The following NDUFS1 variants were observed in gnomAD, a reference collection of about 807,000 sequenced individuals.
NDUFS1 encodes the protein NADH-ubiquinone oxidoreductase 75 kDa subunit, mitochondrial.
In NDUFS1, 61 loss-of-function variants were observed where a neutral mutation model predicts 84.4. The ratio of observed to expected loss-of-function variants is 0.72; its 90% CI spans 0.59 to 0.89. The LOEUF (loss-of-function observed/expected upper bound fraction) is 0.89, where lower values mean the gene tolerates loss of function less well. Ranked by LOEUF, NDUFS1 falls within the 40% of genes least tolerant of loss-of-function variation. NDUFS1 has a pLI of 0.00. For missense variants in NDUFS1, 891 were observed against 890.0 expected, an observed-to-expected ratio of 1.00 and a Z score of -0.01; for synonymous variants, 275 against 290.0, an observed-to-expected ratio of 0.95 and a Z score of 0.53.
rs149959525 is a variant in NDUFS1, at chr2:206,131,660, G to A, written c.1553+1285C>T. 8.6e-3 allele frequency among the ~76,000 whole-genome samples: 1,301 copies of A among 151,640 alleles called. 22 individuals carry two copies. Among genetic ancestry groups the A allele is most frequent in the African/African-American group, 0.03 (1,220 of 41,336 alleles). On this transcript the variant is annotated intron_variant, in intron 14 of 18. Transcript: ENST00000233190. ...CTACTAAAAACAAAAAAATTAGGCC[G>A]GGCGTGGTGGCTCACACCTGTAATC...
chr2:206,136,727 C>T (rs1177066742), intron 13 of NDUFS1, among the ~76,000 whole-genome samples: 1 of 150,748 alleles, frequency 6.6e-6, no homozygotes, highest in African/African-American at 2.4e-5. Flanking sequence ...AGCCACTGCA[C>T]CTGGCCGGAA....
chr2:206,124,426 G>A (rs1251689316), intron 18 of NDUFS1, 150 bp from the exon 19 acceptor site: 6 of 665,780 alleles, frequency 9.0e-6, no homozygotes, highest in East Asian at 2.7e-5. Flanking sequence ...AGATTCCAAC[G>A]ATAAACCCCT....
At position 206,118,996 on chromosome 2, in the gene NDUFS1, G is replaced by A. The variant is rs1691025927; in HGVS notation, c.*5189C>T. 2.0e-5 allele frequency: 3 copies of A among 152,442 alleles called. No homozygotes were observed. The highest frequency in any genetic ancestry group is 4.4e-5 in the Non-Finnish European group (3 of 68,236). The allele number at this position is 152,442 out of a possible 1,614,324, so 9.4% of individuals were successfully genotyped here. On this transcript the variant is annotated 3_prime_UTR_variant, in exon 19 of 19. Transcript: ENST00000233190. ...CCAGCTACTCAGGAGGCTGAGGCAG[G>A]AGGATCGCTTGAACCCAGGAGGTGG...
intron 3 of NDUFS1, among the ~76,000 whole-genome samples, chr2:206,150,840 G>A (rs1403499566): frequency 1.3e-5 from 2 of 151,810 alleles, no homozygotes; most frequent in African/African-American, 4.8e-5. Flanking sequence ...AAAACCACAA[G>A]AATTCCTCCG....
At chr2:206,128,441 C>A (rs1691379059) in intron 15 of NDUFS1, among the ~76,000 whole-genome samples, 1 of 151,370 alleles carries the variant, frequency 6.6e-6, no homozygotes, top group Admixed American at 6.6e-5. Flanking sequence ...GCTGGGATTA[C>A]AGGCATGAGC....
chr2:206,136,762 C>CT (rs1229589279), intron 13 of NDUFS1, among the ~76,000 whole-genome samples: 66 of 139,536 alleles, frequency 4.7e-4, no homozygotes, highest in Admixed American at 1.0e-3. Context: ...TTCTTTTTTT[C>CT]TTTTTTTTTT....
chr2:206,147,508 G>GA (rs766159626), intron 7 of NDUFS1, 23 bp downstream of exon 7: 18 of 1,599,202 alleles, frequency 1.1e-5, no homozygotes, highest in South Asian at 2.2e-5. Flanking sequence ...TTCTATAATA[G>GA]AAAAAAAAGG....
intron 3 of NDUFS1, 123 bp from the exon 4 acceptor site, chr2:206,150,048 T>A: frequency 1.4e-6 from 1 of 725,012 alleles, no homozygotes; most frequent in Non-Finnish European, 2.4e-6. Context: ...TATCTATCTA[T>A]CTATCTTAAT....
rs563451545 is a variant in NDUFS1, at chr2:206,120,380, G to C, written c.*3805C>G. On this transcript the variant is annotated 3_prime_UTR_variant, in exon 19 of 19. Coordinates refer to ENST00000233190, the MANE Select transcript of NDUFS1 (RefSeq NM_005006.7). The stretch of plus-strand genomic sequence containing the variant: ...GGGCTCAGAAGACAGAAAGATGAGG[G>C]AAAGTTTGGAACTTAGAGACTAGTT... 4 of 152,336 alleles carry C rather than the reference G, an allele frequency of 2.6e-5. No individual in the cohort carries two copies. In the East Asian group the frequency reaches 7.7e-4, roughly 29 times the overall value. The allele number at this position is 152,336 out of a possible 1,614,324, so 9.4% of individuals were successfully genotyped here.
At chr2:206,140,446 G>T (rs1475471826) in intron 12 of NDUFS1, among the ~76,000 whole-genome samples, 1 of 152,072 alleles carries the variant, frequency 6.6e-6, no homozygotes, top group African/African-American at 2.4e-5. Flanking sequence ...AGAGGATACA[G>T]TGACCCGAAA....
rs1379561803 is a variant in NDUFS1, at chr2:206,120,298, G to GA, written c.*3886dup. ...CAGTGGGGCACTGCTATACATATTG[G>GA]AAAATGTAGAAACAGCTTTGGAACT... is the stretch of plus-strand genomic sequence containing the variant. On this transcript the variant is annotated 3_prime_UTR_variant, in exon 19 of 19. Transcript: ENST00000233190. 1 of 152,194 alleles carries GA rather than the reference G, an allele frequency of 6.6e-6. No individual in the cohort carries two copies. Among genetic ancestry groups the GA allele is most frequent in the Non-Finnish European group, 1.5e-5 (1 of 68,056 alleles). The allele number at this position is 152,194 out of a possible 1,614,324, so 9.4% of individuals were successfully genotyped here. A position where few individuals can be genotyped will look rare whatever the true frequency, so the allele number is the denominator to read the frequency against.
At chr2:206,143,653 C>T (rs1227406104) in intron 10 of NDUFS1, among the ~76,000 whole-genome samples, 1 of 151,672 alleles carries the variant, frequency 6.6e-6, no homozygotes, top group African/African-American at 2.4e-5. Flanking sequence ...GCGATCTCGG[C>T]TCACTGCAAC....
At chr2:206,135,445 C>T (rs957598388) in intron 13 of NDUFS1, among the ~76,000 whole-genome samples, 8 of 152,098 alleles carry the variant, frequency 5.3e-5, no homozygotes, top group Admixed American at 1.3e-4. Context: ...GAGGCCGACA[C>T]GGGCAGATCA....
intron 1 of NDUFS1, among the ~76,000 whole-genome samples, chr2:206,156,571 T>C (rs1687663713): frequency 6.7e-6 from 1 of 149,990 alleles, no homozygotes; most frequent in African/African-American, 2.4e-5. Context: ...TAAGACCCTG[T>C]CTCAAAAAAA....
intron 13 of NDUFS1, among the ~76,000 whole-genome samples, chr2:206,134,823 A>G (rs1691648947): frequency 6.6e-6 from 1 of 151,972 alleles, no homozygotes. Flanking sequence ...AAAAAAATAT[A>G]AAAATTAGCT....
At chr2:206,141,674 C>A (rs1218285319) in intron 12 of NDUFS1, among the ~76,000 whole-genome samples, 2 of 149,130 alleles carry the variant, frequency 1.3e-5, no homozygotes, top group African/African-American at 2.5e-5. Flanking sequence ...GGGCGGATCA[C>A]GAGGTCAGGA....
At chr2:206,143,212 C>T (rs1035953010) in intron 10 of NDUFS1, among the ~76,000 whole-genome samples, 42 of 152,116 alleles carry the variant, frequency 2.8e-4, no homozygotes, top group East Asian at 1.9e-4. Context: ...AGATCGAGAT[C>T]GCGCCACCGC....
rs1405495124 is a variant in NDUFS1, at chr2:206,159,020, A to G, written c.-5+321T>C. 7.5e-6 allele frequency: 11 copies of G among 1,474,804 alleles called. No individual in the cohort carries two copies. In the East Asian group the frequency reaches 2.5e-4, roughly 33 times the overall value. 91.4% of individuals were successfully genotyped at this position (1,474,804 alleles called of 1,614,324 possible). ...ATCGGACACTGGTCCTCTCCCGGGG[A>G]ATAAAACGGCCTCCTCCTCTGAGAG... On this transcript the variant is annotated intron_variant, in intron 1 of 18. Transcript: ENST00000233190.
At chr2:206,147,291 A>G (rs186632244) in intron 7 of NDUFS1, among the ~76,000 whole-genome samples, 1 of 152,240 alleles carries the variant, frequency 6.6e-6, no homozygotes, top group Non-Finnish European at 1.5e-5. Flanking sequence ...TGTACAAATC[A>G]TATGTGTACA....
Sources: allele counts gnomAD v4.1 joint callset (sites outside exome capture counted in the v4.1 genomes callset), GRCh38; gene constraint gnomAD v4.1.1; transcripts MANE v1.5; gene names NCBI Gene and HGNC (gene_info 2026-07-23, HGNC 2026-07-21).